The following OTOA variants were observed in gnomAD, a reference collection of about 807,000 sequenced individuals.
The protein encoded by OTOA is otoancorin, also known as cancer/testis antigen 108.
A neutral mutation model predicts 110.8 loss-of-function variants in OTOA; 70 were observed. That is an observed-to-expected ratio of 0.63 (90% CI 0.52 to 0.77). The LOEUF (loss-of-function observed/expected upper bound fraction) is 0.77. Among genes scored for constraint, OTOA ranks in the 30% least tolerant of loss-of-function variants. The probability of loss-of-function intolerance (pLI) is 0.00; values close to 1 mark genes in which losing one functional copy is unlikely to be tolerated. For synonymous variants in OTOA, 373 were observed against 431.5 expected (o/e 0.86, Z 1.68); for missense variants, 917 against 1,075.8 (o/e 0.85, Z 2.06).
chr16:21,706,682 G>T (rs1020126325), intron 12 of OTOA, among the ~76,000 whole-genome samples: 1 of 151,526 alleles, frequency 6.6e-6, no homozygotes, highest in African/African-American at 2.4e-5. Flanking sequence ...GCTTAAAATC[G>T]AAACGATGAC....
chr16:21,675,117 T>C (rs867458154), intron 1 of OTOA, among the ~76,000 whole-genome samples: 1 of 128,932 alleles, frequency 7.8e-6, no homozygotes, highest in African/African-American at 2.9e-5. Context: ...TTCTTTCTTT[T>C]TCTTTCTCTC....
At chr16:21,690,561 A>G (rs1475920293) in intron 8 of OTOA, among the ~76,000 whole-genome samples, 2 of 152,102 alleles carry the variant, frequency 1.3e-5, no homozygotes, top group East Asian at 3.8e-4. Context: ...TCCATGGTAT[A>G]TATGTACCAC....
At chr16:21,683,656 T>C (rs969773018) in intron 6 of OTOA, among the ~76,000 whole-genome samples, 47 of 152,150 alleles carry the variant, frequency 3.1e-4, no homozygotes, top group African/African-American at 1.1e-3. Flanking sequence ...CGGTGAGCTA[T>C]GATCATACCA....
At position 21,735,692 on chromosome 16, in the gene OTOA, C is replaced by T. The variant is rs142931262; in HGVS notation, c.2302-569C>T. Among the ~76,000 whole-genome samples, 387 of 152,232 alleles carry T rather than the reference C, an allele frequency of 2.5e-3. 2 individuals carry two copies. Among genetic ancestry groups the T allele is most frequent in the African/African-American group, 8.7e-3 (361 of 41,514 alleles). ...CACTACAACCTCAGCCTCCTGGGCT[C>T]TGGTGATCCTTCTGTCTCAGCCTCC... On this transcript the variant is annotated intron_variant, in intron 21 of 28. Coordinates refer to ENST00000646100, the MANE Select transcript of OTOA (RefSeq NM_144672.4).
rs570871290 is a variant in OTOA at position 21,711,555 on chromosome 16, C to T, written c.1320+1452C>T. On this transcript the variant is annotated intron_variant, in intron 13 of 28. Coordinates refer to ENST00000646100, the MANE Select transcript of OTOA (RefSeq NM_144672.4). ...CACAACCTCAGCTCATTGCAACCTC[C>T]GCCTCCGGGTTCAAGCAATTCTCCT... is the stretch of plus-strand genomic sequence containing the variant. Among the ~76,000 whole-genome samples, 155 of 152,282 alleles carry T rather than the reference C, an allele frequency of 1.0e-3. 1 individual carries two copies. Among genetic ancestry groups the T allele is most frequent in the African/African-American group, 3.5e-3 (146 of 41,562 alleles).
At chr16:21,724,558 C>T (rs1898855415) in intron 18 of OTOA, among the ~76,000 whole-genome samples, 1 of 152,012 alleles carries the variant, frequency 6.6e-6, no homozygotes, top group African/African-American at 2.4e-5. Context: ...ATCATAGCCA[C>T]TACCCACATA....
At chr16:21,744,436 C>T (rs1442661681) in intron 23 of OTOA, among the ~76,000 whole-genome samples, 15 of 142,366 alleles carry the variant, frequency 1.1e-4, no homozygotes, top group East Asian at 4.5e-4. Context: ...TGTGAGCCAC[C>T]GCACCTAGCC....
intron 7 of OTOA, among the ~76,000 whole-genome samples, chr16:21,687,149 G>C (rs961862316): frequency 7.2e-5 from 11 of 152,220 alleles, no homozygotes; most frequent in Admixed American, 2.0e-4. Flanking sequence ...AAAAAGGAAA[G>C]ATGCAGAATT....
In OTOA at chr16:21,705,278, G is replaced by A. The variant is rs370590643; in HGVS notation, c.1090G>A (p.Ala364Thr). The A allele has an allele frequency of 6.5e-5, 105 of 1,613,886 alleles. No homozygotes were observed. Among genetic ancestry groups the A allele is most frequent in the Middle Eastern group, 1.7e-4 (1 of 5,948 alleles). ...GTGCAGCCACCTGAGGGGCTTCCAGGCTGGCGTCCAGAAGGTACAGCTGGG... is the reference window on the plus strand; with the variant it reads ...GTGCAGCCACCTGAGGGGCTTCCAGACTGGCGTCCAGAAGGTACAGCTGGG... ...IKCSHLRGFQAGVQKLKAELL... is the reference protein window; with the variant it reads ...IKCSHLRGFQTGVQKLKAELL... Residue 364 changes from alanine to threonine, a missense_variant, in exon 12 of 29, where the codon GCT becomes ACT. Transcript: ENST00000646100.
rs558754565 is a variant in OTOA at position 21,678,857 on chromosome 16, G to A, written c.92-58G>A. On this transcript the variant is annotated intron_variant, in intron 2 of 28. Coordinates refer to ENST00000646100, the MANE Select transcript of OTOA (RefSeq NM_144672.4). ...GGGGCTTTTCCTCTAACCCATATTT[G>A]TAGTTTTGAAGGTCACACAATTCAA... The A allele has an allele frequency of 8.2e-6, 13 of 1,586,812 alleles. No homozygotes were observed. In the African/African-American group the frequency reaches 1.6e-4, roughly 20 times the overall value.
chr16:21,688,304 G>T (rs1897760565), intron 8 of OTOA, among the ~76,000 whole-genome samples: 1 of 152,030 alleles, frequency 6.6e-6, no homozygotes, highest in East Asian at 1.9e-4. Flanking sequence ...CAGGAGAATT[G>T]CTTGAACCTG....
At chr16:21,719,598 G>C in intron 17 of OTOA, 94 bp downstream of exon 17, 1 of 1,173,968 alleles carries the variant, frequency 8.5e-7, no homozygotes, top group Non-Finnish European at 1.3e-6. Context: ...CTTTATGCCA[G>C]AATCATTCAG....
At chr16:21,677,146 T>C (rs1380077261) in intron 1 of OTOA, among the ~76,000 whole-genome samples, 1 of 152,232 alleles carries the variant, frequency 6.6e-6, no homozygotes, top group Non-Finnish European at 1.5e-5. Flanking sequence ...ATCTGGCTAC[T>C]ATGAATGAAG....
chr16:21,737,808 A>T (rs1307878988), intron 22 of OTOA, among the ~76,000 whole-genome samples: 1 of 152,278 alleles, frequency 6.6e-6, no homozygotes, highest in African/African-American at 2.4e-5. Flanking sequence ...GTGAGCTACC[A>T]TGCCTGTCCA....
intron 1 of OTOA, among the ~76,000 whole-genome samples, chr16:21,671,309 G>A (rs1204640817): frequency 2.6e-5 from 4 of 151,940 alleles, no homozygotes; most frequent in South Asian, 2.1e-4. Context: ...GTCCAAGGCC[G>A]GGCTCAGTGG....
intron 9 of OTOA, among the ~76,000 whole-genome samples, chr16:21,693,566 G>A (rs1897876075): frequency 6.6e-6 from 1 of 152,066 alleles, no homozygotes; most frequent in South Asian, 2.1e-4. Flanking sequence ...TTTAGATACT[G>A]GTAGCGGCTA....
intron 27 of OTOA, among the ~76,000 whole-genome samples, chr16:21,754,078 A>ATT (rs764794590): frequency 5.1e-5 from 7 of 137,420 alleles, no homozygotes; most frequent in East Asian, 4.4e-4. Flanking sequence ...ATATATATAT[A>ATT]TTTTTTTCTA....
chr16:21,669,335 T>A (rs1966846071), intron 1 of OTOA, among the ~76,000 whole-genome samples: 1 of 151,778 alleles, frequency 6.6e-6, no homozygotes, highest in Non-Finnish European at 1.5e-5. Flanking sequence ...AGAGTGAGAC[T>A]CTGTCCCCCA....
rs971507255 is a variant in OTOA at position 21,669,098 on chromosome 16, C to G, written c.-5+4866C>G. ...GGATTACATGCCTGTAATCCCAGCACTTTGGGAGCCTGTGTCAGGTGGATC... is the reference window on the plus strand; with the variant it reads ...GGATTACATGCCTGTAATCCCAGCAGTTTGGGAGCCTGTGTCAGGTGGATC... On this transcript the variant is annotated intron_variant, in intron 1 of 28. Coordinates refer to ENST00000646100, the MANE Select transcript of OTOA (RefSeq NM_144672.4). Among the ~76,000 whole-genome samples, 4 of 152,074 alleles carry G rather than the reference C, an allele frequency of 2.6e-5. No individual in the cohort carries two copies. In the South Asian group the frequency reaches 8.3e-4, roughly 32 times the overall value.
Sources: allele counts gnomAD v4.1 joint callset (sites outside exome capture counted in the v4.1 genomes callset), GRCh38; gene constraint gnomAD v4.1.1; transcripts MANE v1.5; gene names NCBI Gene and HGNC (gene_info 2026-07-23, HGNC 2026-07-21).